Variants in KRAS observed in about 807,000 individuals in gnomAD.
The protein encoded by KRAS is GTPase KRas.
KRAS carries 1 observed loss-of-function variant against 21.0 expected under a neutral mutation model. The ratio of observed to expected loss-of-function variants is 0.05; its 90% CI spans 0.02 to 0.23. KRAS has a LOEUF of 0.23. Among genes scored for constraint, KRAS ranks in the 10% least tolerant of loss-of-function variants. The probability of loss-of-function intolerance (pLI) is 1.00; values close to 1 mark genes in which losing one functional copy is unlikely to be tolerated. For missense variants in KRAS, 107 were observed against 221.8 expected, an observed-to-expected ratio of 0.48 and a Z score of 3.29; for synonymous variants, 67 against 72.5, an observed-to-expected ratio of 0.92 and a Z score of 0.39.
At chr12:25,225,992 G>A (rs952078398) in intron 3 of KRAS, among the ~76,000 whole-genome samples, 8 of 152,014 alleles carry the variant, frequency 5.3e-5, no homozygotes, top group African/African-American at 1.9e-4. Flanking sequence ...ATACCTAGAA[G>A]TATAGTAAAA....
In KRAS at chr12:25,250,778, G is replaced by A. The variant is rs1409116235; in HGVS notation, c.-39C>T. Reference sequence around the variant, plus strand: ...CTCTCCCGCACCTGGGAGCCGCTGAGCCTCTGGCCCCGCCGCCGCCTTCAG... The same window carrying A: ...CTCTCCCGCACCTGGGAGCCGCTGAACCTCTGGCCCCGCCGCCGCCTTCAG... On this transcript the variant is annotated 5_prime_UTR_variant, in exon 1 of 5. Coordinates refer to ENST00000311936, the MANE Select transcript of KRAS (RefSeq NM_004985.5). 9.7e-6 allele frequency: 2 copies of A among 206,202 alleles called. No homozygotes were observed. The highest frequency in any genetic ancestry group is 2.3e-5 in the African/African-American group (1 of 43,384). 12.8% of individuals were successfully genotyped at this position (206,202 alleles called of 1,614,324 possible).
rs141739315 is a variant in KRAS, at chr12:25,247,785, T to C, written c.-11-2390A>G. Among the ~76,000 whole-genome samples, 266 of 152,342 alleles carry C rather than the reference T, an allele frequency of 1.7e-3. 2 individuals carry two copies. Among genetic ancestry groups the C allele is most frequent in the African/African-American group, 5.7e-3 (238 of 41,580 alleles). On this transcript the variant is annotated intron_variant, in intron 1 of 4. Transcript: ENST00000311936. ...AATAGATTGAATGCAGATGCAGATA[T>C]AAGAATCCATATCTTCTATTAAGCC...
rs1435618323 is a variant in KRAS at position 25,209,042 on chromosome 12, G to T, written c.*753C>A. ...TAGCATGTAAATATAGCCCCAAAAT[G>T]GTTGCTATAATAATCCCCATTTCAT... On this transcript the variant is annotated 3_prime_UTR_variant, in exon 5 of 5. Transcript: ENST00000311936. 2.8e-5 allele frequency: 11 copies of T among 396,086 alleles called. No homozygotes were observed. In the East Asian group the frequency reaches 4.0e-4, roughly 14 times the overall value. The allele number at this position is 396,086 out of a possible 1,614,324, so 24.5% of individuals were successfully genotyped here.
chr12:25,218,921 T>G (rs201817309), intron 4 of KRAS, among the ~76,000 whole-genome samples: 1 of 151,236 alleles, frequency 6.6e-6, no homozygotes, highest in Non-Finnish European at 1.5e-5. Context: ...GGTTTTTTGT[T>G]TTTTTTTAAC....
At chr12:25,221,175 G>A (rs1162201009) in intron 4 of KRAS, among the ~76,000 whole-genome samples, 1 of 150,926 alleles carries the variant, frequency 6.6e-6, no homozygotes, top group African/African-American at 2.4e-5. Context: ...AAACACTAAA[G>A]TTACCCAGAG....
At chr12:25,222,177 A>G (rs1241701161) in intron 4 of KRAS, among the ~76,000 whole-genome samples, 3 of 149,830 alleles carry the variant, frequency 2.0e-5, no homozygotes, top group Non-Finnish European at 4.5e-5. Flanking sequence ...AGAAAGAAAA[A>G]TAAATAAATA....
intron 2 of KRAS, among the ~76,000 whole-genome samples, chr12:25,238,997 G>C (rs1338400410): frequency 6.6e-6 from 1 of 152,206 alleles, no homozygotes; most frequent in Admixed American, 6.5e-5. Flanking sequence ...TAAAGTCTGA[G>C]GGTCTATACT....
chr12:25,248,793 GAAAATT>G (rs1565893260), intron 1 of KRAS, among the ~76,000 whole-genome samples: 1 of 151,898 alleles, frequency 6.6e-6, no homozygotes, highest in African/African-American at 2.4e-5. Context: ...TGTAATGGAA[GAAAATT>G]CATTTTTATT....
intron 1 of KRAS, among the ~76,000 whole-genome samples, chr12:25,248,375 G>A (rs1470528970): frequency 6.6e-6 from 1 of 152,104 alleles, no homozygotes; most frequent in Non-Finnish European, 1.5e-5. Flanking sequence ...GCTTGAGCCT[G>A]AGAGTCGGAG....
intron 4 of KRAS, among the ~76,000 whole-genome samples, chr12:25,223,308 A>G (rs377522833): frequency 2.0e-5 from 3 of 152,160 alleles, no homozygotes; most frequent in African/African-American, 4.8e-5. Flanking sequence ...AAAATGTTTC[A>G]TAAGAAAATG....
intron 2 of KRAS, among the ~76,000 whole-genome samples, chr12:25,241,984 T>C (rs1247470574): frequency 1.3e-5 from 2 of 152,132 alleles, no homozygotes; most frequent in Non-Finnish European, 2.9e-5. Flanking sequence ...ATAATCTACA[T>C]ACTTCATTCG....
chr12:25,233,421 G>C (rs1465510929), intron 2 of KRAS, among the ~76,000 whole-genome samples: 1 of 152,162 alleles, frequency 6.6e-6, no homozygotes, highest in Non-Finnish European at 1.5e-5. Context: ...AGGTGTGGTA[G>C]TGTGTACCTG....
chr12:25,230,075 A>C lies in KRAS; in HGVS notation c.112-2663T>G, dbSNP rs142210901. On this transcript the variant is annotated intron_variant, in intron 2 of 4. Transcript: ENST00000311936. ...GCATGAGCCACTGCGCCCAGCCTCT[A>C]AAGTATGTTTAGTTTATGAATTACT... Among the ~76,000 whole-genome samples, 946 of 152,234 alleles carry C rather than the reference A, an allele frequency of 6.2e-3. 10 individuals are homozygous for C. Among genetic ancestry groups the C allele is most frequent in the African/African-American group, 0.021 (876 of 41,544 alleles).
At chr12:25,247,072 G>C (rs1951693489) in intron 1 of KRAS, among the ~76,000 whole-genome samples, 1 of 152,046 alleles carries the variant, frequency 6.6e-6, no homozygotes, top group African/African-American at 2.4e-5. Flanking sequence ...TTTTTAGTTA[G>C]TTGTTTCAAA....
chr12:25,208,936 C>A lies in KRAS; in HGVS notation c.*859G>T. The A allele has an allele frequency of 3.5e-6, 1 of 287,104 alleles. No homozygotes were observed. Among genetic ancestry groups the A allele is most frequent in the South Asian group, 1.4e-4 (1 of 7,330 alleles). 17.8% of individuals were successfully genotyped at this position (287,104 alleles called of 1,614,324 possible). A position where few individuals can be genotyped will look rare whatever the true frequency, so the allele number is the denominator to read the frequency against. ...TAAAGTTATACTATGAAAGAGCAGT[C>A]TGACACAGGGAGACTACATTTAATT... is the stretch of plus-strand genomic sequence containing the variant. On this transcript the variant is annotated 3_prime_UTR_variant, in exon 5 of 5. Transcript: ENST00000311936.
At chr12:25,228,139 T>C (rs1308600239) in intron 2 of KRAS, among the ~76,000 whole-genome samples, 1 of 149,478 alleles carries the variant, frequency 6.7e-6, no homozygotes, top group Non-Finnish European at 1.5e-5. Context: ...AAGGAAATGC[T>C]CACTGGAGCA....
At chr12:25,248,312 C>G (rs1489025498) in intron 1 of KRAS, among the ~76,000 whole-genome samples, 1 of 151,960 alleles carries the variant, frequency 6.6e-6, no homozygotes, top group Non-Finnish European at 1.5e-5. Flanking sequence ...ACAATTAGCC[C>G]GGTGGCGGGA....
rs373921792 is a variant in KRAS, at chr12:25,239,910, G to A, written c.111+5364C>T. Among the ~76,000 whole-genome samples the A allele has an allele frequency of 8.6e-4, 131 of 151,748 alleles. 2 individuals are homozygous for A. The South Asian group carries it at 0.024, about 28-fold the overall frequency. On this transcript the variant is annotated intron_variant, in intron 2 of 4. Coordinates refer to ENST00000311936, the MANE Select transcript of KRAS (RefSeq NM_004985.5). ...GGAGGCTGCAGTGAGCCAAGATCGCGCCACTGCACTCCAGCCTGGGCAACA... is the reference window on the plus strand; with the variant it reads ...GGAGGCTGCAGTGAGCCAAGATCGCACCACTGCACTCCAGCCTGGGCAACA...
chr12:25,237,059 A>T (rs538353120), intron 2 of KRAS, among the ~76,000 whole-genome samples: 1 of 152,366 alleles, frequency 6.6e-6, no homozygotes, highest in East Asian at 1.9e-4. Flanking sequence ...TTATTCAGCC[A>T]GAAAAAGGAA....
Sources: gnomAD v4.1 joint callset for allele counts (sites outside exome capture counted in the v4.1 genomes callset) on GRCh38, gnomAD v4.1.1 for gene constraint, MANE v1.5 for transcripts, NCBI Gene and HGNC (gene_info 2026-07-23, HGNC 2026-07-21) for gene names.